Variants in NAALADL2 observed in about 807,000 individuals in gnomAD.
The protein encoded by NAALADL2 is inactive N-acetylated-alpha-linked acidic dipeptidase-like protein 2.
NAALADL2 carries 76 observed loss-of-function variants against 87.2 expected under a neutral mutation model. The observed-to-expected ratio is 0.87, with a 90% CI of 0.72 to 1.05. The LOEUF is 1.05. NAALADL2 is among the 50% of genes least tolerant of loss of function. NAALADL2 has a pLI of 0.00. For synonymous variants in NAALADL2, 354 were observed against 331.0 expected, an observed-to-expected ratio of 1.07 and a Z score of -0.75; for missense variants, 1,089 against 945.8, an observed-to-expected ratio of 1.15 and a Z score of -1.99.
At chr3:175,072,396 TAAA>T (rs1222457813) in intron 1 of NAALADL2, among the ~76,000 whole-genome samples, 1 of 152,058 alleles carries the variant, frequency 6.6e-6, no homozygotes, top group East Asian at 1.9e-4. Flanking sequence ...GTTATCTTTT[TAAA>T]ATTAGACATC....
intron 2 of NAALADL2, among the ~76,000 whole-genome samples, chr3:174,585,848 T>C (rs1050134967): frequency 6.6e-6 from 1 of 152,184 alleles, no homozygotes; most frequent in Admixed American, 6.6e-5. Flanking sequence ...TCTGGAGATA[T>C]ATTGCCTACT....
chr3:175,538,659 G>T (rs1039437297), intron 9 of NAALADL2, among the ~76,000 whole-genome samples: 1 of 151,980 alleles, frequency 6.6e-6, no homozygotes, highest in Non-Finnish European at 1.5e-5. Flanking sequence ...TAATTTCTCA[G>T]TAAGAAATTT....
intron 2 of NAALADL2, among the ~76,000 whole-genome samples, chr3:174,679,325 CTT>C (rs1727319381): frequency 6.6e-6 from 1 of 152,052 alleles, no homozygotes; most frequent in African/African-American, 2.4e-5. Flanking sequence ...GGTATGGAAA[CTT>C]AGAGAGTTTA....
In NAALADL2 at chr3:175,107,749, A is replaced by T. The variant is rs186264854; in HGVS notation, c.545+10458A>T. 8.0e-3 allele frequency among the ~76,000 whole-genome samples: 1,178 copies of T among 147,614 alleles called. 7 individuals carry two copies. The highest frequency in any genetic ancestry group is 0.013 in the Non-Finnish European group (842 of 66,980). On this transcript the variant is annotated intron_variant, in intron 2 of 13. Coordinates refer to ENST00000454872, the MANE Select transcript of NAALADL2 (RefSeq NM_207015.3). ...TGTTCATTATTATATTTATTTCATT[A>T]AAAAATTTCAGATTTTTTTTAATGT...
chr3:175,290,968 A>G (rs564324785), intron 4 of NAALADL2, among the ~76,000 whole-genome samples: 214 of 152,180 alleles, frequency 1.4e-3, no homozygotes, highest in African/African-American at 4.7e-3. Flanking sequence ...TAACAATATA[A>G]ATTTCCTTGG....
intron 1 of NAALADL2, among the ~76,000 whole-genome samples, chr3:174,542,829 A>T (rs1452338279): frequency 6.6e-6 from 1 of 152,096 alleles, no homozygotes; most frequent in Non-Finnish European, 1.5e-5. Context: ...TCTTCATTTC[A>T]TCCTGTTGGG....
chr3:175,588,822 G>A (rs901669235), intron 10 of NAALADL2, among the ~76,000 whole-genome samples: 5 of 152,140 alleles, frequency 3.3e-5, no homozygotes, highest in African/African-American at 9.7e-5. Context: ...ATAGGCGTGA[G>A]CCACCGTGCC....
intron 2 of NAALADL2, among the ~76,000 whole-genome samples, chr3:175,205,768 C>T (rs1424414428): frequency 6.6e-6 from 1 of 151,314 alleles, no homozygotes; most frequent in Non-Finnish European, 1.5e-5. Flanking sequence ...CAAAAAATCC[C>T]ATCAAAAAGT....
chr3:174,485,194 C>A (rs1717777301), intron 1 of NAALADL2, among the ~76,000 whole-genome samples: 1 of 151,834 alleles, frequency 6.6e-6, no homozygotes, highest in Non-Finnish European at 1.5e-5. Flanking sequence ...AGTATAGCAA[C>A]TATTCACTTA....
chr3:175,733,731 C>A (rs541884782), intron 11 of NAALADL2, among the ~76,000 whole-genome samples: 2 of 152,088 alleles, frequency 1.3e-5, no homozygotes, highest in Non-Finnish European at 2.9e-5. Flanking sequence ...CCTGTAAAAT[C>A]AAAAGAAAGT....
intron 9 of NAALADL2, among the ~76,000 whole-genome samples, chr3:175,556,268 C>A (rs912072237): frequency 6.6e-6 from 1 of 152,010 alleles, no homozygotes; most frequent in East Asian, 1.9e-4. Context: ...AAAAAAAAAA[C>A]TGAAGTAGGA....
chr3:174,658,704 G>A (rs776802157), intron 2 of NAALADL2, among the ~76,000 whole-genome samples: 13 of 152,112 alleles, frequency 8.5e-5, no homozygotes, highest in Non-Finnish European at 1.6e-4. Flanking sequence ...TATTATAAAT[G>A]TATGCCTAAA....
intron 9 of NAALADL2, among the ~76,000 whole-genome samples, chr3:175,524,027 G>A (rs909317448): frequency 1.3e-5 from 2 of 152,128 alleles, no homozygotes; most frequent in African/African-American, 4.8e-5. Flanking sequence ...CGATTTCAAG[G>A]CATGTTTTAA....
rs866672070 is a variant in NAALADL2 at position 175,400,775 on chromosome 3, T to C, written c.1091-46454T>C. On this transcript the variant is annotated intron_variant, in intron 5 of 13. Transcript: ENST00000454872. Reference sequence around the variant, plus strand: ...ATGCCACTCTTCCCTACTGTAACTATCATAAATGTCATTCATCAATCCAGC... The same window carrying C: ...ATGCCACTCTTCCCTACTGTAACTACCATAAATGTCATTCATCAATCCAGC... Among the ~76,000 whole-genome samples the C allele has an allele frequency of 3.3e-5, 5 of 152,222 alleles. No homozygotes were observed. In the Middle Eastern group the frequency reaches 0.01, roughly 311 times the overall value.
At chr3:175,193,566 C>G (rs1738528048) in intron 2 of NAALADL2, among the ~76,000 whole-genome samples, 1 of 151,844 alleles carries the variant, frequency 6.6e-6, no homozygotes, top group South Asian at 2.1e-4. Context: ...CTTTTTCTCT[C>G]TTCTCTTTCA....
chr3:175,026,720 TA>T (rs1390397028), intron 1 of NAALADL2, among the ~76,000 whole-genome samples: 4 of 151,370 alleles, frequency 2.6e-5, no homozygotes, highest in African/African-American at 9.7e-5. Context: ...GATGAAAAAA[TA>T]TCTCTGGTTT....
At chr3:174,638,266 G>A (rs943089886) in intron 2 of NAALADL2, among the ~76,000 whole-genome samples, 7 of 152,102 alleles carry the variant, frequency 4.6e-5, no homozygotes, top group Non-Finnish European at 8.8e-5. Flanking sequence ...GTTTATATAG[G>A]CTTTTTGGTA....
intron 11 of NAALADL2, among the ~76,000 whole-genome samples, chr3:175,677,703 T>C (rs968514490): frequency 2.6e-5 from 4 of 152,150 alleles, no homozygotes; most frequent in East Asian, 1.9e-4. Context: ...CAATAGAGTA[T>C]TTTGTAAACT....
chr3:175,595,516 T>A (rs1185817920), intron 10 of NAALADL2, among the ~76,000 whole-genome samples: 1 of 152,052 alleles, frequency 6.6e-6, no homozygotes, highest in Non-Finnish European at 1.5e-5. Flanking sequence ...CTAGAACTGA[T>A]AAACAAAGTT....
Sources: gnomAD v4.1 joint callset for allele counts (sites outside exome capture counted in the v4.1 genomes callset) on GRCh38, gnomAD v4.1.1 for gene constraint, MANE v1.5 for transcripts, NCBI Gene and HGNC (gene_info 2026-07-23, HGNC 2026-07-21) for gene names.